The following EEFSEC variants were observed in gnomAD, a reference collection of about 807,000 sequenced individuals.
EEFSEC encodes selenocysteine-specific elongation factor.
EEFSEC carries 43 observed loss-of-function variants against 42.1 expected under a neutral mutation model. The ratio of observed to expected loss-of-function variants is 1.02; its 90% CI spans 0.80 to 1.32. The LOEUF (loss-of-function observed/expected upper bound fraction) is 1.32. Among genes scored for constraint, EEFSEC ranks in the 40% most tolerant of loss-of-function variants. The probability of loss-of-function intolerance (pLI) is 0.00; values close to 1 mark genes in which losing one functional copy is unlikely to be tolerated. For missense variants in EEFSEC, 745 were observed against 803.6 expected (o/e 0.93, Z 0.88); for synonymous variants, 354 against 339.1 (o/e 1.04, Z -0.48).
In EEFSEC at chr3:128,404,256, G is replaced by T. The variant is rs139927930; in HGVS notation, c.1601-3813G>T. 3.3e-3 allele frequency among the ~76,000 whole-genome samples: 508 copies of T among 152,330 alleles called. 1 individual carries two copies. The highest frequency in any genetic ancestry group is 0.011 in the African/African-American group (469 of 41,558). On this transcript the variant is annotated intron_variant, in intron 6 of 6. Transcript: ENST00000254730. ...CTCCCTTTGGTCAGGCTTTCCAGGTGTGGCTTCCCGGCCAGTCCATAATAG... is the reference window on the plus strand; with the variant it reads ...CTCCCTTTGGTCAGGCTTTCCAGGTTTGGCTTCCCGGCCAGTCCATAATAG...
chr3:128,301,382 G>T (rs992796731), intron 4 of EEFSEC, among the ~76,000 whole-genome samples: 12 of 152,186 alleles, frequency 7.9e-5, no homozygotes, highest in African/African-American at 2.9e-4. Flanking sequence ...GCCTGATCAT[G>T]CCTAGGCTGT....
intron 6 of EEFSEC, among the ~76,000 whole-genome samples, chr3:128,361,878 A>G (rs1310216423): frequency 6.6e-6 from 1 of 152,196 alleles, no homozygotes; most frequent in Non-Finnish European, 1.5e-5. Context: ...GGAGCTGGAC[A>G]TGGAGGAGGT....
At chr3:128,408,048 G>C (rs1220784971) in intron 6 of EEFSEC, 21 bp from the exon 7 acceptor site, 1 of 1,515,164 alleles carries the variant, frequency 6.6e-7, no homozygotes, top group African/African-American at 1.4e-5. Flanking sequence ...AGAGTGACAG[G>C]CTCTCTTCTG....
intron 4 of EEFSEC, among the ~76,000 whole-genome samples, chr3:128,269,379 G>A (rs77917051): frequency 0.015 from 2,359 of 152,342 alleles, 62 homozygotes; most frequent in African/African-American, 0.052. Context: ...GCATGTACGA[G>A]AGCCCATTGC....
chr3:128,186,518 C>T (rs762864545), intron 1 of EEFSEC, among the ~76,000 whole-genome samples: 2 of 152,194 alleles, frequency 1.3e-5, no homozygotes, highest in Non-Finnish European at 2.9e-5. Flanking sequence ...TACATAGATG[C>T]ATACCTATGT....
At chr3:128,308,765 A>G (rs2066859110) in intron 4 of EEFSEC, among the ~76,000 whole-genome samples, 1 of 152,104 alleles carries the variant, frequency 6.6e-6, no homozygotes, top group African/African-American at 2.4e-5. Context: ...CTGGGAACAC[A>G]AGGCTCCTTG....
chr3:128,364,738 G>T (rs1021051288), intron 6 of EEFSEC, among the ~76,000 whole-genome samples: 1 of 152,192 alleles, frequency 6.6e-6, no homozygotes, highest in African/African-American at 2.4e-5. Context: ...GCACTGCTGT[G>T]GGGATGCACT....
the EEFSEC span, among the ~76,000 whole-genome samples, chr3:128,420,653 A>G: frequency 6.6e-6 from 1 of 152,208 alleles, no homozygotes; most frequent in Non-Finnish European, 1.5e-5. Flanking sequence ...AGGACTCCCC[A>G]GTTCCCGAAG....
At chr3:128,386,259 C>T (rs1422679690) in intron 6 of EEFSEC, among the ~76,000 whole-genome samples, 4 of 152,090 alleles carry the variant, frequency 2.6e-5, no homozygotes, top group African/African-American at 9.7e-5. Context: ...AAATCTACCC[C>T]AGGGAGAGAA....
At chr3:128,256,388 C>G (rs955914036) in intron 2 of EEFSEC, among the ~76,000 whole-genome samples, 6 of 152,190 alleles carry the variant, frequency 3.9e-5, no homozygotes, top group Non-Finnish European at 2.9e-5. Context: ...TAAAAAATGA[C>G]ACATTCATGC....
chr3:128,405,402 C>T (rs1331735868), intron 6 of EEFSEC, among the ~76,000 whole-genome samples: 1 of 152,206 alleles, frequency 6.6e-6, no homozygotes, highest in Admixed American at 6.5e-5. Context: ...GGGTATCCCC[C>T]ACCCATCACT....
At chr3:128,234,549 C>T (rs1353542524) in intron 1 of EEFSEC, among the ~76,000 whole-genome samples, 1 of 152,168 alleles carries the variant, frequency 6.6e-6, no homozygotes, top group African/African-American at 2.4e-5. Flanking sequence ...GACTGTGGTG[C>T]GAGGACATTT....
intron 4 of EEFSEC, among the ~76,000 whole-genome samples, chr3:128,331,614 A>G (rs181029926): frequency 6.6e-6 from 1 of 151,990 alleles, no homozygotes; most frequent in Admixed American, 6.6e-5. Context: ...CCTGGCTCAC[A>G]TAGTGGCTGA....
chr3:128,172,629 G>A (rs1402940024), intron 1 of EEFSEC, among the ~76,000 whole-genome samples: 1 of 152,188 alleles, frequency 6.6e-6, no homozygotes, highest in Non-Finnish European at 1.5e-5. Context: ...TGATCTCTCT[G>A]ACCCCTGACG....
intron 4 of EEFSEC, among the ~76,000 whole-genome samples, chr3:128,311,294 G>A (rs1410227483): frequency 3.3e-5 from 5 of 152,308 alleles, no homozygotes; most frequent in South Asian, 4.1e-4. Context: ...CTTCCTCTTC[G>A]GTAATGCTGA....
At chr3:128,223,177 T>G (rs548757888) in intron 1 of EEFSEC, among the ~76,000 whole-genome samples, 10 of 152,302 alleles carry the variant, frequency 6.6e-5, no homozygotes, top group Middle Eastern at 6.8e-3. Context: ...CACATTGATA[T>G]GCCCAGAGGG....
chr3:128,379,684 G>A (rs1294455710), intron 6 of EEFSEC, among the ~76,000 whole-genome samples: 1 of 152,204 alleles, frequency 6.6e-6, no homozygotes, highest in South Asian at 2.1e-4. Flanking sequence ...TTTCCTTGCG[G>A]CAATCGGAGG....
chr3:128,361,801 G>A (rs977796784), intron 6 of EEFSEC, among the ~76,000 whole-genome samples: 2 of 152,230 alleles, frequency 1.3e-5, no homozygotes. Flanking sequence ...AGGATAGGAG[G>A]CCTGACAAGC....
At chr3:128,316,351 T>TTC (rs2066944704) in intron 4 of EEFSEC, among the ~76,000 whole-genome samples, 2 of 152,298 alleles carry the variant, frequency 1.3e-5, no homozygotes, top group South Asian at 4.2e-4. Context: ...CACAACAGGC[T>TTC]TCTGTCATAG....
Sources: gnomAD v4.1 joint callset for allele counts (sites outside exome capture counted in the v4.1 genomes callset) on GRCh38, gnomAD v4.1.1 for gene constraint, MANE v1.5 for transcripts, NCBI Gene and HGNC (gene_info 2026-07-23, HGNC 2026-07-21) for gene names.